The following MYO1H variants were observed in gnomAD, a reference collection of about 807,000 sequenced individuals.
The protein encoded by MYO1H is unconventional myosin-Ih.
Under a neutral mutation model 149.3 loss-of-function variants are expected in MYO1H, and 118 were observed. The ratio of observed to expected loss-of-function variants is 0.79; its 90% confidence interval spans 0.68 to 0.92. The LOEUF (loss-of-function observed/expected upper bound fraction) is 0.92, where lower values mean the gene tolerates loss of function less well. Among genes scored for constraint, MYO1H ranks in the 40% least tolerant of loss-of-function variants. MYO1H has a pLI of 0.00. For missense variants in MYO1H, 1,212 were observed against 1,280.7 expected (o/e 0.95, Z 0.82); for synonymous variants, 447 against 465.2 (o/e 0.96, Z 0.50).
At chr12:109,378,831 T>C (rs146484274) in intron 1 of MYO1H, among the ~76,000 whole-genome samples, 10 of 152,286 alleles carry the variant, frequency 6.6e-5, no homozygotes, top group African/African-American at 2.4e-4. Context: ...AAGTGGTATC[T>C]CATTGTGGTT....
At chr12:109,418,105 C>G (rs943385782) in intron 15 of MYO1H, among the ~76,000 whole-genome samples, 1 of 151,960 alleles carries the variant, frequency 6.6e-6, no homozygotes, top group South Asian at 2.1e-4. Flanking sequence ...TGTGAGCCAC[C>G]GCGCCCGGCC....
At chr12:109,409,745 T>C (rs1870585010) in intron 11 of MYO1H, 121 bp downstream of exon 11, 1 of 911,260 alleles carries the variant, frequency 1.1e-6, no homozygotes, top group Admixed American at 2.1e-5. Flanking sequence ...TCTCTAGATT[T>C]ACATAGTTTC....
the MYO1H span, among the ~76,000 whole-genome samples, chr12:109,313,593 T>G: frequency 2.1e-4 from 32 of 152,334 alleles, no homozygotes; most frequent in African/African-American, 6.7e-4. Context: ...CTTGGATGTT[T>G]CCGGGAAGGG....
chr12:109,445,657 A>C lies in MYO1H; in HGVS notation c.3093+45A>C, dbSNP rs751477142. 6.3e-6 allele frequency: 10 copies of C among 1,579,590 alleles called. No homozygotes were observed. The Admixed American group carries it at 1.9e-4, about 29-fold the overall frequency. On this transcript the variant is annotated intron_variant, in intron 31 of 31. Coordinates refer to ENST00000310903, the Ensembl canonical transcript of MYO1H. Reference sequence around the variant, plus strand: ...AGGGAAGTAAGCCGTTTTAGATGAGAATATAAGTTAAAGTTCTACCAATTT... The same window carrying C: ...AGGGAAGTAAGCCGTTTTAGATGAGCATATAAGTTAAAGTTCTACCAATTT...
chr12:109,315,746 G>A, the MYO1H span, among the ~76,000 whole-genome samples: 2 of 152,282 alleles, frequency 1.3e-5, no homozygotes, highest in Non-Finnish European at 1.5e-5. Flanking sequence ...CAAGACTTGG[G>A]CCTTTGCCAT....
chr12:109,347,024 C>CAG (rs367626342), upstream of MYO1H, among the ~76,000 whole-genome samples: 14 of 152,094 alleles, frequency 9.2e-5, no homozygotes, highest in African/African-American at 3.4e-4. Context: ...GATATATATA[C>CAG]AGAGAGAGAG....
At chr12:109,383,987 A>G (rs1566022042) in intron 1 of MYO1H, among the ~76,000 whole-genome samples, 1 of 152,360 alleles carries the variant, frequency 6.6e-6, no homozygotes, top group East Asian at 1.9e-4. Context: ...ACCATCCAAG[A>G]CAAAGAGTGG....
At chr12:109,426,300 A>G (rs1367632445) in intron 18 of MYO1H, among the ~76,000 whole-genome samples, 4 of 152,208 alleles carry the variant, frequency 2.6e-5, no homozygotes, top group African/African-American at 9.7e-5. Context: ...TTTGGGCAAC[A>G]TGGCAAAACC....
chr12:109,312,903 CTTTGTCAA>C, the MYO1H span, among the ~76,000 whole-genome samples: 162 of 151,378 alleles, frequency 1.1e-3, no homozygotes, highest in Middle Eastern at 6.8e-3. Flanking sequence ...TTTTCCCTTG[CTTTGTCAA>C]TTCCTAAAAG....
At chr12:109,431,501 T>C (rs1358972835) in intron 19 of MYO1H, among the ~76,000 whole-genome samples, 1 of 152,212 alleles carries the variant, frequency 6.6e-6, no homozygotes, top group African/African-American at 2.4e-5. Flanking sequence ...TTATCTCGTT[T>C]AAACCTCATG....
intron 1 of MYO1H, among the ~76,000 whole-genome samples, chr12:109,367,366 C>T (rs1300269849): frequency 2.6e-5 from 4 of 152,062 alleles, no homozygotes; most frequent in Non-Finnish European, 5.9e-5. Context: ...AAAATATGTT[C>T]TCTCTCGCTT....
At chr12:109,370,700 A>C (rs1868963044) in intron 1 of MYO1H, among the ~76,000 whole-genome samples, 1 of 152,244 alleles carries the variant, frequency 6.6e-6, no homozygotes, top group South Asian at 2.1e-4. Context: ...TCGCTCTCAG[A>C]CCAGTGGCTT....
chr12:109,408,081 A>C, intron 10 of MYO1H, 168 bp downstream of exon 10: 1 of 794,502 alleles, frequency 1.3e-6, no homozygotes, highest in Non-Finnish European at 2.0e-6. Flanking sequence ...GTATGGGTGC[A>C]TGCCGAATGA....
At chr12:109,376,117 A>G (rs1050786174) in intron 1 of MYO1H, among the ~76,000 whole-genome samples, 8 of 151,396 alleles carry the variant, frequency 5.3e-5, no homozygotes, top group Non-Finnish European at 1.0e-4. Flanking sequence ...CTGAAATACA[A>G]TTCATACACC....
chr12:109,335,592 A>G, the MYO1H span, among the ~76,000 whole-genome samples: 1 of 152,064 alleles, frequency 6.6e-6, no homozygotes, highest in African/African-American at 2.4e-5. Flanking sequence ...AAAAAAACTA[A>G]TATTTTGCCA....
intron 1 of MYO1H, among the ~76,000 whole-genome samples, chr12:109,374,716 C>A (rs1566020594): frequency 6.6e-6 from 1 of 152,186 alleles, no homozygotes; most frequent in Non-Finnish European, 1.5e-5. Flanking sequence ...ACATTCCCAT[C>A]CATATAGTAT....
At chr12:109,407,974 G>C (rs181015261) in intron 10 of MYO1H, 61 bp downstream of exon 10, 6 of 1,122,976 alleles carry the variant, frequency 5.3e-6, no homozygotes, top group Admixed American at 3.3e-5. Context: ...TATAATCATC[G>C]TTTCTTTAAA....
At chr12:109,441,535 G>A (rs1872127905) in intron 25 of MYO1H, 80 bp from the exon 26 acceptor site, 1 of 848,444 alleles carries the variant, frequency 1.2e-6, no homozygotes, top group African/African-American at 1.7e-5. Flanking sequence ...CAAAGGATGT[G>A]ACCTCAATGG....
At chr12:109,412,352 T>G (rs1407999770) in intron 14 of MYO1H, among the ~76,000 whole-genome samples, 1 of 152,140 alleles carries the variant, frequency 6.6e-6, no homozygotes, top group African/African-American at 2.4e-5. Context: ...AAGACAGGGT[T>G]TCACCCTGTT....
Sources: gnomAD v4.1 joint callset for allele counts (sites outside exome capture counted in the v4.1 genomes callset) on GRCh38, gnomAD v4.1.1 for gene constraint, MANE v1.5 for transcripts, NCBI Gene and HGNC (gene_info 2026-07-23, HGNC 2026-07-21) for gene names.